The following CAMKMT variants were observed in gnomAD, a reference collection of about 807,000 sequenced individuals.
CAMKMT encodes CaM KMT.
In CAMKMT, 53 loss-of-function variants were observed where a neutral mutation model predicts 48.0. That is an observed-to-expected ratio of 1.10 (90% CI 0.89 to 1.39). The LOEUF is 1.39. Ranked by LOEUF, CAMKMT falls within the 40% of genes most tolerant of loss-of-function variation. CAMKMT has a pLI of 0.00. For missense variants in CAMKMT, 428 were observed against 402.7 expected (o/e 1.06, Z -0.54); for synonymous variants, 165 against 152.3 (o/e 1.08, Z -0.61).
At chr2:44,635,950 C>G (rs1673104460) in intron 3 of CAMKMT, among the ~76,000 whole-genome samples, 1 of 152,154 alleles carries the variant, frequency 6.6e-6, no homozygotes, top group South Asian at 2.1e-4. Flanking sequence ...CAACTGGTTT[C>G]CTATATAGAT....
At chr2:44,769,393 T>C (rs1030317150) in intron 10 of CAMKMT, among the ~76,000 whole-genome samples, 3 of 152,190 alleles carry the variant, frequency 2.0e-5, no homozygotes, top group Non-Finnish European at 4.4e-5. Flanking sequence ...TTTAAAAATA[T>C]TGCTTTTCAG....
At chr2:44,630,871 A>G (rs1672771934) in intron 3 of CAMKMT, among the ~76,000 whole-genome samples, 4 of 151,930 alleles carry the variant, frequency 2.6e-5, no homozygotes, top group South Asian at 2.1e-4. Flanking sequence ...TAGAAATACT[A>G]TTTGACCCAG....
At chr2:44,483,728 C>T (rs1424199060) in intron 3 of CAMKMT, among the ~76,000 whole-genome samples, 2 of 152,070 alleles carry the variant, frequency 1.3e-5, no homozygotes, top group Non-Finnish European at 2.9e-5. Context: ...ATTTTGAAAA[C>T]TGATCTTCAA....
chr2:44,704,939 A>T (rs75642937), intron 4 of CAMKMT, among the ~76,000 whole-genome samples: 1 of 141,698 alleles, frequency 7.1e-6, no homozygotes, highest in Non-Finnish European at 1.6e-5. Flanking sequence ...GGAATTTAGG[A>T]AAAAAAAAAA....
At chr2:44,551,370 G>C (rs1479765606) in intron 3 of CAMKMT, among the ~76,000 whole-genome samples, 1 of 152,178 alleles carries the variant, frequency 6.6e-6, no homozygotes, top group Non-Finnish European at 1.5e-5. Flanking sequence ...AGATTGGAAG[G>C]ATTGGAAGTT....
At chr2:44,419,255 A>G (rs545686605) in intron 3 of CAMKMT, among the ~76,000 whole-genome samples, 3 of 152,332 alleles carry the variant, frequency 2.0e-5, no homozygotes, top group African/African-American at 7.2e-5. Flanking sequence ...TGTGGACCTA[A>G]GATGATGCCT....
chr2:44,726,135 G>T (rs1031525629), intron 7 of CAMKMT, among the ~76,000 whole-genome samples: 7 of 152,144 alleles, frequency 4.6e-5, no homozygotes, highest in African/African-American at 9.7e-5. Flanking sequence ...TTTCTTTGGG[G>T]TATATACCCA....
At chr2:44,603,939 C>T (rs1390682848) in intron 3 of CAMKMT, among the ~76,000 whole-genome samples, 3 of 152,040 alleles carry the variant, frequency 2.0e-5, no homozygotes, top group African/African-American at 7.2e-5. Context: ...ATAACACCAA[C>T]ACTAATAAGA....
chr2:44,414,808 C>T (rs1420471048), intron 3 of CAMKMT, among the ~76,000 whole-genome samples: 1 of 152,196 alleles, frequency 6.6e-6, no homozygotes, highest in Non-Finnish European at 1.5e-5. Flanking sequence ...TCCAAAGCTA[C>T]ACTTGAACTG....
intron 3 of CAMKMT, among the ~76,000 whole-genome samples, chr2:44,472,722 C>A (rs2104655416): frequency 1.3e-5 from 2 of 152,244 alleles, no homozygotes; most frequent in East Asian, 3.9e-4. Context: ...AATTATGCAT[C>A]CCAGAAAATA....
Position 44,708,790 on chromosome 2 carries a change from TGCCAGCTCA to T in CAMKMT, c.556+1332_556+1340del, listed in dbSNP as rs1473818204. ...TACAGAGCAAGAGGAAGCTCAGGTATGCCAGCTCAGCCCCAGAGAATTTTTAGAGGGTGG... is the reference window on the plus strand; with the variant it reads ...TACAGAGCAAGAGGAAGCTCAGGTATGCCCCAGAGAATTTTTAGAGGGTGG... On this transcript the variant is annotated intron_variant, in intron 6 of 10. Transcript: ENST00000378494. 5.9e-5 allele frequency among the ~76,000 whole-genome samples: 9 copies of T among 152,116 alleles called. No homozygotes were observed. The East Asian group carries it at 1.5e-3, about 26-fold the overall frequency.
chr2:44,375,671 G>A (rs990765629), intron 2 of CAMKMT, among the ~76,000 whole-genome samples: 1 of 152,156 alleles, frequency 6.6e-6, no homozygotes, highest in Admixed American at 6.5e-5. Context: ...AATACACAGG[G>A]TAAGAAAGAG....
intron 7 of CAMKMT, among the ~76,000 whole-genome samples, chr2:44,722,884 G>T (rs1385034504): frequency 6.6e-6 from 1 of 152,118 alleles, no homozygotes; most frequent in East Asian, 1.9e-4. Context: ...TTCATTTCAA[G>T]GTCTTGAAAC....
At chr2:44,414,912 C>A (rs1223176718) in intron 3 of CAMKMT, among the ~76,000 whole-genome samples, 7 of 152,124 alleles carry the variant, frequency 4.6e-5, no homozygotes, top group Admixed American at 3.3e-4. Context: ...TCCCAGCATG[C>A]TGGGAGGCCG....
chr2:44,516,062 A>G (rs922223223), intron 3 of CAMKMT, among the ~76,000 whole-genome samples: 1 of 152,192 alleles, frequency 6.6e-6, no homozygotes, highest in African/African-American at 2.4e-5. Flanking sequence ...CTAGAAGCCA[A>G]ACAAAATTAT....
intron 3 of CAMKMT, among the ~76,000 whole-genome samples, chr2:44,566,743 A>G (rs1270253494): frequency 2.0e-5 from 3 of 152,210 alleles, no homozygotes; most frequent in East Asian, 1.9e-4. Context: ...CTTGACATTT[A>G]TGAGTGGATG....
At chr2:44,517,258 T>C (rs1378132205) in intron 3 of CAMKMT, among the ~76,000 whole-genome samples, 2 of 152,104 alleles carry the variant, frequency 1.3e-5, no homozygotes, top group East Asian at 3.9e-4. Flanking sequence ...AACGCAAAAA[T>C]GTATCAGAGA....
chr2:44,543,890 A>G (rs1309124389), intron 3 of CAMKMT, among the ~76,000 whole-genome samples: 3 of 152,182 alleles, frequency 2.0e-5, no homozygotes, highest in Non-Finnish European at 2.9e-5. Context: ...TTAGAAAATC[A>G]AAGTTAATGT....
At chr2:44,683,348 C>G (rs1231158793) in intron 3 of CAMKMT, among the ~76,000 whole-genome samples, 1 of 152,200 alleles carries the variant, frequency 6.6e-6, no homozygotes, top group Non-Finnish European at 1.5e-5. Context: ...CAAATCATGT[C>G]TTTCCCACAC....
Sources: gnomAD v4.1 joint callset for allele counts (sites outside exome capture counted in the v4.1 genomes callset) on GRCh38, gnomAD v4.1.1 for gene constraint, MANE v1.5 for transcripts, NCBI Gene and HGNC (gene_info 2026-07-23, HGNC 2026-07-21) for gene names.